The following MARCHF1 variants were observed in gnomAD, a reference collection of about 807,000 sequenced individuals.
The protein encoded by MARCHF1 is E3 ubiquitin-protein ligase MARCHF1.
In MARCHF1, 40 loss-of-function variants were observed where a neutral mutation model predicts 54.2. The ratio of observed to expected loss-of-function variants is 0.74; its 90% CI spans 0.57 to 0.96. The LOEUF (loss-of-function observed/expected upper bound fraction) is 0.96. MARCHF1 is among the 40% of genes least tolerant of loss of function. The pLI is 0.00. For synonymous variants in MARCHF1, 236 were observed against 236.3 expected (o/e 1.00, Z 0.01); for missense variants, 586 against 656.5 (o/e 0.89, Z 1.17).
intron 4 of MARCHF1, among the ~76,000 whole-genome samples, chr4:163,715,951 T>C (rs1745243072): frequency 1.3e-5 from 2 of 152,330 alleles, no homozygotes; most frequent in African/African-American, 2.4e-5. Flanking sequence ...TCTAAAATTT[T>C]TGACAAACAT....
At chr4:163,721,995 G>T (rs1745485215) in intron 4 of MARCHF1, among the ~76,000 whole-genome samples, 1 of 151,930 alleles carries the variant, frequency 6.6e-6, no homozygotes, top group Admixed American at 6.6e-5. Context: ...TGGATTCATT[G>T]ATTTTTTGAA....
In MARCHF1 at chr4:164,119,766, G is replaced by C. The variant is rs1216581488; in HGVS notation, c.-322-8104C>G. Among the ~76,000 whole-genome samples, 3 of 151,610 alleles carry C rather than the reference G, an allele frequency of 2.0e-5. No homozygotes were observed. In the East Asian group the frequency reaches 5.8e-4, roughly 29 times the overall value. On this transcript the variant is annotated intron_variant, in intron 1 of 9. Transcript: ENST00000514618. ...TAAGGCTAAAGCAGGTAATTTTATA[G>C]AAAAATACAATTTACAAAAGTTGTC...
chr4:164,055,149 A>T (rs1253291526), intron 2 of MARCHF1: 1 of 152,110 alleles, frequency 6.6e-6, no homozygotes, highest in East Asian at 1.9e-4. Flanking sequence ...GTAATAAAGA[A>T]ATTACCGATG....
chr4:163,775,353 T>C (rs544838597), intron 4 of MARCHF1, among the ~76,000 whole-genome samples: 3 of 152,194 alleles, frequency 2.0e-5, no homozygotes, highest in Non-Finnish European at 4.4e-5. Context: ...AAATATTTCT[T>C]TACTTGTTTG....
chr4:163,609,656 G>A (rs898130350), intron 7 of MARCHF1, among the ~76,000 whole-genome samples: 14 of 150,062 alleles, frequency 9.3e-5, no homozygotes, highest in Admixed American at 2.7e-4. Context: ...TATAATACAC[G>A]TATATATTTA....
intron 2 of MARCHF1, among the ~76,000 whole-genome samples, chr4:164,042,747 C>A (rs1579484986): frequency 1.3e-5 from 2 of 152,292 alleles, no homozygotes. Context: ...CAAGGTAATT[C>A]TCTTCCACCT....
At chr4:163,755,103 G>A (rs565777066) in intron 4 of MARCHF1, among the ~76,000 whole-genome samples, 1 of 152,128 alleles carries the variant, frequency 6.6e-6, no homozygotes, top group Admixed American at 6.6e-5. Flanking sequence ...AGTTGGCAGA[G>A]GCAGGAGATA....
At chr4:164,042,613 G>A (rs1242800727) in intron 2 of MARCHF1, among the ~76,000 whole-genome samples, 1 of 151,636 alleles carries the variant, frequency 6.6e-6, no homozygotes, top group Non-Finnish European at 1.5e-5. Context: ...TTCTACCCCT[G>A]AGCCTTCCAA....
rs560447169 is a variant in MARCHF1 at position 164,191,991 on chromosome 4, T to C, written c.-322-80329A>G. Among the ~76,000 whole-genome samples the C allele has an allele frequency of 9.9e-5, 15 of 152,210 alleles. 1 individual carries two copies. Among genetic ancestry groups the C allele is most frequent in the African/African-American group, 3.4e-4 (14 of 41,540 alleles). On this transcript the variant is annotated intron_variant, in intron 1 of 9. Transcript: ENST00000514618. ...CTAGAACACGACCAATGGTAAAATA[T>C]GACAACTTAAAATTTAATAAGCCTA... is the stretch of plus-strand genomic sequence containing the variant.
intron 2 of MARCHF1, among the ~76,000 whole-genome samples, chr4:164,096,074 C>T (rs1257808658): frequency 1.3e-5 from 2 of 152,112 alleles, no homozygotes; most frequent in African/African-American, 4.8e-5. Flanking sequence ...GGTACATACC[C>T]AAAGGGAAAT....
chr4:164,134,823 T>C lies in MARCHF1; in HGVS notation c.-322-23161A>G, dbSNP rs1464277751. Among the ~76,000 whole-genome samples the C allele has an allele frequency of 2.0e-5, 3 of 149,404 alleles. No homozygotes were observed. The South Asian group carries it at 6.4e-4, about 32-fold the overall frequency. The stretch of plus-strand genomic sequence containing the variant: ...ATTCAAAGCACAAAAACAAGTATTA[T>C]GGAGTCTGTCAGAGAATCAGTCTTA... On this transcript the variant is annotated intron_variant, in intron 1 of 9. Coordinates refer to ENST00000514618, the MANE Select transcript of MARCHF1 (RefSeq NM_001394959.1).
chr4:164,147,589 G>A (rs920622974), intron 1 of MARCHF1, among the ~76,000 whole-genome samples: 8 of 142,110 alleles, frequency 5.6e-5, no homozygotes, highest in African/African-American at 1.3e-4. Context: ...AACCAAACAC[G>A]CATATTCTCA....
At chr4:164,021,079 C>CTT (rs58872172) in intron 2 of MARCHF1, among the ~76,000 whole-genome samples, 7 of 141,684 alleles carry the variant, frequency 4.9e-5, no homozygotes, top group African/African-American at 1.9e-4. Flanking sequence ...ATTTCTGTCC[C>CTT]TTTTTTTTTT....
chr4:164,132,287 T>G (rs1037454984), intron 1 of MARCHF1, among the ~76,000 whole-genome samples: 12 of 152,116 alleles, frequency 7.9e-5, no homozygotes, highest in Admixed American at 7.9e-4. Context: ...AAACAATCAC[T>G]TTTTTTGACA....
intron 1 of MARCHF1, among the ~76,000 whole-genome samples, chr4:164,181,445 T>C (rs1278882446): frequency 1.3e-5 from 2 of 152,196 alleles, no homozygotes; most frequent in East Asian, 3.8e-4. Context: ...TTATATTAAC[T>C]ATGTTCAAGA....
At chr4:164,126,938 C>A (rs1054070647) in intron 1 of MARCHF1, among the ~76,000 whole-genome samples, 1 of 152,248 alleles carries the variant, frequency 6.6e-6, no homozygotes, top group East Asian at 1.9e-4. Context: ...CCTGTAATCC[C>A]AGCTAATCTG....
chr4:164,022,066 TA>T (rs1753678385), intron 2 of MARCHF1, among the ~76,000 whole-genome samples: 1 of 152,118 alleles, frequency 6.6e-6, no homozygotes, highest in Admixed American at 6.5e-5. Context: ...CAATTTTTGT[TA>T]TATATTTTAC....
intron 1 of MARCHF1, among the ~76,000 whole-genome samples, chr4:164,278,815 G>C (rs1022369138): frequency 6.6e-6 from 1 of 152,070 alleles, no homozygotes; most frequent in African/African-American, 2.4e-5. Flanking sequence ...ACAAACATTA[G>C]AACAATTTTC....
At chr4:163,862,298 A>G (rs916284189) in intron 3 of MARCHF1, among the ~76,000 whole-genome samples, 5 of 152,094 alleles carry the variant, frequency 3.3e-5, no homozygotes, top group African/African-American at 1.2e-4. Flanking sequence ...AAATACTTGC[A>G]AAATGCATAT....
Sources: gnomAD v4.1 joint callset for allele counts (sites outside exome capture counted in the v4.1 genomes callset) on GRCh38, gnomAD v4.1.1 for gene constraint, MANE v1.5 for transcripts, NCBI Gene and HGNC (gene_info 2026-07-23, HGNC 2026-07-21) for gene names.